The following YAP1 variants were observed in gnomAD, a reference collection of about 807,000 sequenced individuals.
The protein encoded by YAP1 is Yes1 associated transcriptional regulator, also known as transcriptional coactivator YAP1.
Under a neutral mutation model 56.9 loss-of-function variants are expected in YAP1, and 5 were observed. The observed-to-expected ratio is 0.09, with a 90% confidence interval of 0.05 to 0.18. The LOEUF is 0.18. YAP1 is among the 10% of genes least tolerant of loss of function. The pLI is 1.00. For missense variants in YAP1, 539 were observed against 651.8 expected (o/e 0.83, Z 1.88); for synonymous variants, 265 against 248.1 (o/e 1.07, Z -0.64).
chr11:102,202,388 C>T (rs191231168), intron 4 of YAP1, among the ~76,000 whole-genome samples: 1 of 147,908 alleles, frequency 6.8e-6, no homozygotes, highest in African/African-American at 2.5e-5. Context: ...ACCATGTTAG[C>T]CCGGATGGTC....
intron 4 of YAP1, among the ~76,000 whole-genome samples, chr11:102,200,911 GA>G (rs1948821784): frequency 6.6e-6 from 1 of 152,170 alleles, no homozygotes; most frequent in South Asian, 2.1e-4. Flanking sequence ...CAGATGGGCA[GA>G]AACCCAAAAT....
chr11:102,185,991 A>ATTT (rs34105163), intron 3 of YAP1, 27 bp from the exon 4 acceptor site: 255 of 1,356,684 alleles, frequency 1.9e-4, no homozygotes, highest in South Asian at 6.3e-4. Flanking sequence ...AAAAACCATG[A>ATTT]TTTTTTTTTT....
chr11:102,111,181 GC>G lies in YAP1; in HGVS notation c.321+16del, dbSNP rs1942874813. On this transcript the variant is annotated intron_variant, in intron 1 of 8. Transcript: ENST00000282441. ...CCCACTCCCGACAGGTAACCTCGTT[GC>G]CCCTCTCCCCGTTTCCCCGTCGGGC... 2 of 1,610,764 alleles carry G rather than the reference GC, an allele frequency of 1.2e-6. No homozygotes were observed. Among genetic ancestry groups the G allele is most frequent in the Non-Finnish European group, 1.7e-6 (2 of 1,178,416 alleles).
intron 6 of YAP1, among the ~76,000 whole-genome samples, chr11:102,212,101 A>G (rs763832450): frequency 1.8e-4 from 28 of 152,252 alleles, no homozygotes; most frequent in Non-Finnish European, 3.4e-4. Flanking sequence ...AACAGAGGGT[A>G]TAAAGACATC....
intron 3 of YAP1, among the ~76,000 whole-genome samples, chr11:102,168,893 A>G (rs1276395117): frequency 6.6e-6 from 1 of 152,256 alleles, no homozygotes; most frequent in East Asian, 1.9e-4. Context: ...TTTAACTTTA[A>G]AAAGCACAGA....
At chr11:102,115,656 G>A (rs141237738) in intron 2 of YAP1, among the ~76,000 whole-genome samples, 47 of 151,966 alleles carry the variant, frequency 3.1e-4, no homozygotes, top group African/African-American at 9.4e-4. Context: ...AAAGGATCAG[G>A]TTTCAACCAG....
intron 2 of YAP1, among the ~76,000 whole-genome samples, chr11:102,128,430 G>C (rs974185204): frequency 1.3e-5 from 2 of 152,178 alleles, no homozygotes; most frequent in African/African-American, 2.4e-5. Flanking sequence ...CCACTGCCAT[G>C]TAAGAAGTGC....
At chr11:102,127,815 C>T (rs1269388374) in intron 2 of YAP1, among the ~76,000 whole-genome samples, 2 of 152,198 alleles carry the variant, frequency 1.3e-5, no homozygotes, top group Non-Finnish European at 2.9e-5. Context: ...TGTAAAACCA[C>T]AGGGGCGGAG....
chr11:102,146,113 G>A lies in YAP1; in HGVS notation c.573-16343G>A, dbSNP rs114524916. ...AATGTACTTGGACAAGTCATAGAACGATGACCTACAGATTAAGGTCCATAG... is the reference window on the plus strand; with the variant it reads ...AATGTACTTGGACAAGTCATAGAACAATGACCTACAGATTAAGGTCCATAG... On this transcript the variant is annotated intron_variant, in intron 2 of 8. Coordinates refer to ENST00000282441, the MANE Select transcript of YAP1 (RefSeq NM_001130145.3). Among the ~76,000 whole-genome samples the A allele has an allele frequency of 7.7e-3, 1,169 of 152,242 alleles. 19 individuals are homozygous for A. The highest frequency in any genetic ancestry group is 0.027 in the African/African-American group (1,109 of 41,546).
intron 4 of YAP1, among the ~76,000 whole-genome samples, chr11:102,189,454 T>A (rs2135524493): frequency 6.6e-6 from 1 of 152,352 alleles, no homozygotes; most frequent in East Asian, 1.9e-4. Context: ...ATCTGTGTTT[T>A]AGGAAATAAG....
In YAP1 at chr11:102,114,383, A is replaced by G. The variant is rs753842372; in HGVS notation, c.561A>G (p.Arg187=). The G allele has an allele frequency of 1.1e-5, 18 of 1,612,706 alleles. No individual in the cohort carries two copies. In the South Asian group the frequency reaches 1.9e-4, roughly 17 times the overall value. The part of the protein sequence containing the change: ...WEMAKTSSGQ[R]YFLNHIDQTT... The stretch of plus-strand genomic sequence containing the variant: ...TGGCAAAGACATCTTCTGGTCAGAG[A>G]TACTTCTTAAAGTAAGTGAAAATAA... Residue 187 remains arginine, a synonymous_variant, in exon 2 of 9, where the codon AGA becomes AGG. Coordinates refer to ENST00000282441, the MANE Select transcript of YAP1 (RefSeq NM_001130145.3).
intron 2 of YAP1, among the ~76,000 whole-genome samples, chr11:102,144,068 AG>A (rs1000105059): frequency 6.6e-6 from 1 of 152,242 alleles, no homozygotes; most frequent in Non-Finnish European, 1.5e-5. Flanking sequence ...GAGAAGAGAC[AG>A]GATGACCTCC....
intron 8 of YAP1, among the ~76,000 whole-genome samples, chr11:102,228,131 G>A (rs955753161): frequency 6.6e-6 from 1 of 151,856 alleles, no homozygotes; most frequent in African/African-American, 2.4e-5. Context: ...ATGTTAGCAT[G>A]TTGATCTTAA....
intron 4 of YAP1, among the ~76,000 whole-genome samples, chr11:102,201,352 A>G (rs1948849860): frequency 6.6e-6 from 1 of 152,206 alleles, no homozygotes; most frequent in African/African-American, 2.4e-5. Context: ...GTGTTTGCTT[A>G]CATTTTTAAG....
rs115022973 is a variant in YAP1 at position 102,171,606 on chromosome 11, T to C, written c.688+9035T>C. ...AGTAAACTAACTCTAAGCCATTTCA[T>C]TGAGTTAAAATCTAAAGGACTTAAG... On this transcript the variant is annotated intron_variant, in intron 3 of 8. Transcript: ENST00000282441. 1.9e-3 allele frequency among the ~76,000 whole-genome samples: 296 copies of C among 152,330 alleles called. 2 individuals are homozygous for C. Among genetic ancestry groups the C allele is most frequent in the African/African-American group, 6.9e-3 (286 of 41,584 alleles).
At chr11:102,138,124 A>G (rs1447609879) in intron 2 of YAP1, among the ~76,000 whole-genome samples, 2 of 152,116 alleles carry the variant, frequency 1.3e-5, no homozygotes, top group African/African-American at 2.4e-5. Flanking sequence ...TGACCCTGTG[A>G]TCCGCCTGCC....
At chr11:102,154,873 A>G (rs537238552) in intron 2 of YAP1, among the ~76,000 whole-genome samples, 2 of 152,342 alleles carry the variant, frequency 1.3e-5, no homozygotes, top group Admixed American at 1.3e-4. Flanking sequence ...GTAGCTAAGT[A>G]TGATTCCCTC....
chr11:102,162,364 G>A lies in YAP1; in HGVS notation c.573-92G>A, dbSNP rs144133508. ...GTGACTTAATGCTTTTACAGAGCTC[G>A]CTTGGCACCCTTTGATTATGAGCCC... On this transcript the variant is annotated intron_variant, in intron 2 of 8. Transcript: ENST00000282441. 2,461 of 1,059,640 alleles carry A rather than the reference G, an allele frequency of 2.3e-3. 8 individuals are homozygous for A. Among genetic ancestry groups the A allele is most frequent in the Non-Finnish European group, 3.1e-3 (2,153 of 691,222 alleles). 65.6% of individuals were successfully genotyped at this position (1,059,640 alleles called of 1,614,324 possible). A position where few individuals can be genotyped will look rare whatever the true frequency, so the allele number is the denominator to read the frequency against.
chr11:102,196,896 T>C (rs1948603088), intron 4 of YAP1, among the ~76,000 whole-genome samples: 1 of 152,202 alleles, frequency 6.6e-6, no homozygotes, highest in Non-Finnish European at 1.5e-5. Flanking sequence ...AAAGATAGCT[T>C]TTCAGTGTGA....
Sources: allele counts gnomAD v4.1 joint callset (sites outside exome capture counted in the v4.1 genomes callset), GRCh38; gene constraint gnomAD v4.1.1; transcripts MANE v1.5; gene names NCBI Gene and HGNC (gene_info 2026-07-23, HGNC 2026-07-21).